Variants in MGLL observed in about 807,000 individuals in gnomAD.
MGLL encodes lysophospholipase homolog.
A neutral mutation model predicts 29.1 loss-of-function variants in MGLL; 7 were observed. That is an observed-to-expected ratio of 0.24 (90% CI 0.14 to 0.45). The LOEUF is 0.45. Ranked by LOEUF, MGLL falls within the 20% of genes least tolerant of loss-of-function variation. MGLL has a pLI of 0.99. For synonymous variants in MGLL, 148 were observed against 168.3 expected (o/e 0.88, Z 0.93); for missense variants, 356 against 413.6 (o/e 0.86, Z 1.21).
chr3:127,763,356 G>T (rs947949537), intron 3 of MGLL, among the ~76,000 whole-genome samples: 1 of 152,218 alleles, frequency 6.6e-6, no homozygotes, highest in African/African-American at 2.4e-5. Flanking sequence ...AGTGATGTCT[G>T]TTTTCTTCTC....
At chr3:127,752,949 T>G (rs758765725) in intron 3 of MGLL, among the ~76,000 whole-genome samples, 37 of 152,154 alleles carry the variant, frequency 2.4e-4, no homozygotes, top group Non-Finnish European at 4.0e-4. Flanking sequence ...CACCCTCCAT[T>G]TAGTCATTTT....
intron 2 of MGLL, among the ~76,000 whole-genome samples, chr3:127,797,413 G>A (rs1390893869): frequency 6.6e-6 from 1 of 151,968 alleles, no homozygotes; most frequent in Non-Finnish European, 1.5e-5. Context: ...GTCTTGCTCC[G>A]CATGCAGCCT....
chr3:127,808,079 G>C (rs993836249), intron 2 of MGLL, among the ~76,000 whole-genome samples: 13 of 151,908 alleles, frequency 8.6e-5, no homozygotes, highest in Admixed American at 7.2e-4. Context: ...TTTTTTCTCT[G>C]CTCCAGAGTC....
At chr3:127,732,907 G>A (rs1338703944) in intron 3 of MGLL, among the ~76,000 whole-genome samples, 1 of 152,188 alleles carries the variant, frequency 6.6e-6, no homozygotes, top group Non-Finnish European at 1.5e-5. Context: ...TTCCAGCCCA[G>A]GGCTGTCTGA....
At chr3:127,747,182 T>A (rs181315580) in intron 3 of MGLL, among the ~76,000 whole-genome samples, 1 of 152,246 alleles carries the variant, frequency 6.6e-6, no homozygotes, top group Non-Finnish European at 1.5e-5. Context: ...GGAGATTTGG[T>A]CTGGGACTCA....
At position 127,694,281 on chromosome 3, in the gene MGLL, AAAAAAAT is replaced by A. The variant is rs2075304806; in HGVS notation, c.816+687_816+693del. Among the ~76,000 whole-genome samples the A allele has an allele frequency of 4.2e-5, 5 of 117,796 alleles. No homozygotes were observed. In the South Asian group the frequency reaches 1.1e-3, roughly 26 times the overall value. 77.3% of individuals were successfully genotyped at this position (117,796 alleles called of 152,430 possible). A position where few individuals can be genotyped will look rare whatever the true frequency, so the allele number is the denominator to read the frequency against. On this transcript the variant is annotated intron_variant, in intron 7 of 7. Transcript: ENST00000265052. ...GGATACTCTGTCTGAAAAAAAAAAA[AAAAAAAT>A]ATATATATATATATATATATGTATG...
chr3:127,731,509 C>T (rs2076149442), intron 3 of MGLL, among the ~76,000 whole-genome samples: 1 of 152,054 alleles, frequency 6.6e-6, no homozygotes, highest in South Asian at 2.1e-4. Flanking sequence ...ACAGTCCCAC[C>T]CCATCATGGA....
chr3:127,821,573 G>A (rs1390642225), intron 2 of MGLL, 121 bp downstream of exon 2: 11 of 1,058,570 alleles, frequency 1.0e-5, no homozygotes, highest in Non-Finnish European at 1.4e-5. Flanking sequence ...ACATTAAAAC[G>A]GCAGGGGAAG....
chr3:127,762,741 A>G (rs924217998), intron 3 of MGLL, among the ~76,000 whole-genome samples: 9 of 152,218 alleles, frequency 5.9e-5, no homozygotes, highest in Non-Finnish European at 1.3e-4. Context: ...CTGCAGCTTC[A>G]GTTATGAGTA....
chr3:127,762,635 T>C (rs2076785853), intron 3 of MGLL, among the ~76,000 whole-genome samples: 1 of 152,154 alleles, frequency 6.6e-6, no homozygotes, highest in Non-Finnish European at 1.5e-5. Flanking sequence ...CCTACCCTTG[T>C]ACAATGAGAA....
chr3:127,735,959 C>A, intron 3 of MGLL: 1 of 1,454,076 alleles, frequency 6.9e-7, no homozygotes, highest in Non-Finnish European at 9.0e-7. Context: ...AGAGTGCAAG[C>A]GTTAAACCAT....
At chr3:127,731,432 T>A (rs566372861) in intron 3 of MGLL, among the ~76,000 whole-genome samples, 1 of 152,162 alleles carries the variant, frequency 6.6e-6, no homozygotes, top group Admixed American at 6.5e-5. Flanking sequence ...CTCTATGTAT[T>A]AACTATGTTT....
intron 3 of MGLL, among the ~76,000 whole-genome samples, 153 bp downstream of exon 3, chr3:127,781,636 T>G (rs563275329): frequency 2.0e-5 from 3 of 152,338 alleles, no homozygotes; most frequent in East Asian, 1.9e-4. Context: ...CAGACATTTT[T>G]TTTGTTTGTT....
chr3:127,817,086 T>A (rs1428860135), intron 2 of MGLL, among the ~76,000 whole-genome samples: 1 of 152,120 alleles, frequency 6.6e-6, no homozygotes. Flanking sequence ...ACAAAGTTCC[T>A]GGAGAGAAAA....
chr3:127,699,687 A>T (rs1434733876), intron 6 of MGLL, among the ~76,000 whole-genome samples: 1 of 152,216 alleles, frequency 6.6e-6, no homozygotes, highest in Non-Finnish European at 1.5e-5. Flanking sequence ...CGAGAGGAGA[A>T]GGTGAAGGTC....
intron 2 of MGLL, 102 bp from the exon 3 acceptor site, chr3:127,781,997 G>T: frequency 9.7e-7 from 1 of 1,029,944 alleles, no homozygotes; most frequent in Non-Finnish European, 1.5e-6. Context: ...GGGGCGGGCG[G>T]ATTGCCTGAG....
At chr3:127,726,205 A>AGAAG in intron 3 of MGLL, among the ~76,000 whole-genome samples, 1 of 117,588 alleles carries the variant, frequency 8.5e-6, no homozygotes, top group Non-Finnish European at 2.0e-5. Flanking sequence ...AAAGAAAGAA[A>AGAAG]GACAGAAGGA....
chr3:127,791,194 C>T (rs1471434619), intron 2 of MGLL: 1 of 152,240 alleles, frequency 6.6e-6, no homozygotes, highest in African/African-American at 2.4e-5. Flanking sequence ...GTGTGAGGAG[C>T]TTTACCTTTC....
chr3:127,822,469 G>A lies in MGLL; in HGVS notation c.-151C>T, dbSNP rs893671143. ...ACCCAGACCCTGCCTTTCGGGCTGG[G>A]GCGCTCAGCCGGGAGCCTGCTTCCA... On this transcript the variant is annotated 5_prime_UTR_variant, in exon 1 of 8. Coordinates refer to ENST00000265052, the MANE Select transcript of MGLL (RefSeq NM_007283.7). 7 of 795,152 alleles carry A rather than the reference G, an allele frequency of 8.8e-6. No homozygotes were observed. Among genetic ancestry groups the A allele is most frequent in the Non-Finnish European group, 1.0e-5 (5 of 478,184 alleles). 49.3% of individuals were successfully genotyped at this position (795,152 alleles called of 1,614,324 possible).
Sources: gnomAD v4.1 joint callset for allele counts (sites outside exome capture counted in the v4.1 genomes callset) on GRCh38, gnomAD v4.1.1 for gene constraint, MANE v1.5 for transcripts, NCBI Gene and HGNC (gene_info 2026-07-23, HGNC 2026-07-21) for gene names.